RBBP6: variants seen among roughly 807,000 people sequenced by gnomAD.
RBBP6 encodes E3 ubiquitin-protein ligase RBBP6.
RBBP6 carries 25 observed loss-of-function variants against 167.7 expected under a neutral mutation model. The observed-to-expected ratio is 0.15, with a 90% confidence interval of 0.11 to 0.21. The LOEUF is 0.21. Among genes scored for constraint, RBBP6 ranks in the 10% least tolerant of loss-of-function variants. RBBP6 has a pLI of 1.00. For synonymous variants in RBBP6, 789 were observed against 735.8 expected (o/e 1.07, Z -1.17); for missense variants, 1,868 against 2,134.2 (o/e 0.88, Z 2.46).
Position 24,570,278 on chromosome 16 carries a change from A to G in RBBP6, c.3588A>G (p.Glu1196=). The G allele has an allele frequency of 6.2e-7, 1 of 1,611,408 alleles. No homozygotes were observed. The highest frequency in any genetic ancestry group is 2.2e-5 in the East Asian group (1 of 44,864). Residue 1196 remains glutamate, a synonymous_variant, in exon 17 of 18, where the codon GAA becomes GAG. Transcript: ENST00000319715. ...CTGAAAAAATGGATAGGACCCCTGA[A>G]AAGGACAAAATTTCTTTAAGTGCGC... The part of the protein sequence containing the change: ...PDTEKMDRTP[E]KDKISLSAPA...
At chr16:24,566,694 A>G (rs1482932332) in intron 14 of RBBP6, among the ~76,000 whole-genome samples, 4 of 152,220 alleles carry the variant, frequency 2.6e-5, no homozygotes, top group African/African-American at 9.6e-5. Context: ...GTGAGCCAAG[A>G]TTACACCACT....
intron 10 of RBBP6, among the ~76,000 whole-genome samples, chr16:24,562,933 T>C (rs768756564): frequency 6.6e-6 from 1 of 152,184 alleles, no homozygotes; most frequent in Non-Finnish European, 1.5e-5. Context: ...GGCCAGACTT[T>C]GATTTTAAGT....
chr16:24,545,902 G>A (rs1176027917), intron 1 of RBBP6, among the ~76,000 whole-genome samples: 2 of 152,140 alleles, frequency 1.3e-5, no homozygotes, highest in African/African-American at 4.8e-5. Flanking sequence ...AAAGAATGAC[G>A]GTGTTACTGA....
chr16:24,554,563 G>T (rs1898870522), intron 4 of RBBP6: 2 of 151,944 alleles, frequency 1.3e-5, no homozygotes, highest in African/African-American at 2.4e-5. Flanking sequence ...CATTAAAATT[G>T]ATTATTCTAA....
At chr16:24,543,430 A>G (rs1898554701) in intron 1 of RBBP6, among the ~76,000 whole-genome samples, 1 of 151,698 alleles carries the variant, frequency 6.6e-6, no homozygotes, top group East Asian at 1.9e-4. Context: ...CTACAGCCAC[A>G]CACCACCATG....
chr16:24,565,860 A>G (rs531805044), intron 14 of RBBP6, among the ~76,000 whole-genome samples: 1 of 152,282 alleles, frequency 6.6e-6, no homozygotes, highest in South Asian at 2.1e-4. Context: ...TGAGGCCTGA[A>G]GTTCAAGATT....
chr16:24,565,836 G>A (rs563103985), intron 14 of RBBP6, among the ~76,000 whole-genome samples: 2 of 152,282 alleles, frequency 1.3e-5, no homozygotes, highest in East Asian at 1.9e-4. Context: ...GGAGGCTGAT[G>A]GGGGAGGATT....
At chr16:24,552,252 C>G (rs1898815357) in intron 3 of RBBP6, among the ~76,000 whole-genome samples, 1 of 151,848 alleles carries the variant, frequency 6.6e-6, no homozygotes, top group Non-Finnish European at 1.5e-5. Context: ...TATTGAATCC[C>G]TACTGTGTGG....
chr16:24,563,115 A>T, intron 10 of RBBP6, 84 bp from the exon 11 acceptor site: 1 of 1,022,644 alleles, frequency 9.8e-7, no homozygotes, highest in Non-Finnish European at 1.5e-6. Context: ...ACTGCAGGTG[A>T]TGGGTAAACA....
intron 3 of RBBP6, among the ~76,000 whole-genome samples, chr16:24,551,722 T>C (rs1320474163): frequency 6.6e-6 from 1 of 151,776 alleles, no homozygotes; most frequent in East Asian, 1.9e-4. Context: ...GGTAAGAAAG[T>C]TAATATAATT....
rs1899276403 is a variant in RBBP6 at position 24,569,558 on chromosome 16, T to G, written c.2868T>G (p.Thr956=). The part of the protein sequence containing the change: ...EGFLNPELLE[T]SRKSREPTGV... ...TTCTGAACCCAGAGTTATTAGAGACTTCTAGGAAATCAAGAGAACCTACAG... is the reference window on the plus strand; with the variant it reads ...TTCTGAACCCAGAGTTATTAGAGACGTCTAGGAAATCAAGAGAACCTACAG... Residue 956 remains threonine, a synonymous_variant, in exon 17 of 18, where the codon ACT becomes ACG. Coordinates refer to ENST00000319715, the MANE Select transcript of RBBP6 (RefSeq NM_006910.5). 1 of 1,612,184 alleles carries G rather than the reference T, an allele frequency of 6.2e-7. No homozygotes were observed. The highest frequency in any genetic ancestry group is 8.5e-7 in the Non-Finnish European group (1 of 1,179,578).
At chr16:24,563,736 A>G in intron 13 of RBBP6, 72 bp downstream of exon 13, 1 of 1,455,902 alleles carries the variant, frequency 6.9e-7, no homozygotes, top group Non-Finnish European at 9.5e-7. Context: ...AAACTAGGCA[A>G]ACTAGATAAT....
chr16:24,561,463 T>G, intron 8 of RBBP6, 149 bp from the exon 9 acceptor site: 1 of 665,890 alleles, frequency 1.5e-6, no homozygotes, highest in Admixed American at 2.9e-5. Context: ...GAGATTTTAC[T>G]TAAGTTTCTT....
At chr16:24,541,358 G>A (rs984037803) in intron 1 of RBBP6, among the ~76,000 whole-genome samples, 2 of 152,104 alleles carry the variant, frequency 1.3e-5, no homozygotes, top group Non-Finnish European at 2.9e-5. Flanking sequence ...GATTTAATCA[G>A]TATTGGAATT....
At chr16:24,551,893 G>T (rs1898805261) in intron 3 of RBBP6, among the ~76,000 whole-genome samples, 1 of 151,670 alleles carries the variant, frequency 6.6e-6, no homozygotes, top group Non-Finnish European at 1.5e-5. Flanking sequence ...CTTCTGGTTG[G>T]TATAAAATCT....
chr16:24,569,273 T>C lies in RBBP6; in HGVS notation c.2583T>C (p.Ser861=). 3 of 1,612,226 alleles carry C rather than the reference T, an allele frequency of 1.9e-6. No individual in the cohort carries two copies. The highest frequency in any genetic ancestry group is 2.5e-6 in the Non-Finnish European group (3 of 1,179,588). The change falls in exon 17 of 18, where the codon TCT becomes TCC. Residue 861 remains serine, a synonymous_variant. Coordinates refer to ENST00000319715, the MANE Select transcript of RBBP6 (RefSeq NM_006910.5). The part of the protein sequence containing the change: ...PRPSANRENF[S]PERFLPLNIR... ...CCTCAGCAAATAGAGAGAACTTTTC[T>C]CCAGAGAGATTTTTGCCACTTAACA...
intron 1 of RBBP6, among the ~76,000 whole-genome samples, chr16:24,542,545 G>T (rs1397762472): frequency 6.6e-6 from 1 of 150,652 alleles, no homozygotes; most frequent in Non-Finnish European, 1.5e-5. Flanking sequence ...TGCAACCTCC[G>T]CCTCCCTGGT....
intron 7 of RBBP6, among the ~76,000 whole-genome samples, chr16:24,556,927 C>T (rs570188126): frequency 6.6e-6 from 1 of 150,986 alleles, no homozygotes; most frequent in South Asian, 2.1e-4. Context: ...TCTTAAGATT[C>T]TCAAGTAAGG....
In RBBP6 at chr16:24,567,907, A is replaced by G; in HGVS notation, c.2054+14A>G. On this transcript the variant is annotated intron_variant, in intron 16 of 17. Transcript: ENST00000319715. ...CTCATTTTCCAGGTTAGTGTTTTGC[A>G]AGCCTTCACAACAGAATTACAAACG... The G allele has an allele frequency of 6.3e-7, 1 of 1,581,256 alleles. No individual in the cohort carries two copies. Among genetic ancestry groups the G allele is most frequent in the African/African-American group, 1.4e-5 (1 of 74,030 alleles).
Sources: gnomAD v4.1 joint callset for allele counts (sites outside exome capture counted in the v4.1 genomes callset) on GRCh38, gnomAD v4.1.1 for gene constraint, MANE v1.5 for transcripts, NCBI Gene and HGNC (gene_info 2026-07-23, HGNC 2026-07-21) for gene names.